ACSS3: variants seen among roughly 807,000 people sequenced by gnomAD.
ACSS3 encodes acyl-CoA synthetase short chain family member 3, also known as acyl-CoA synthetase short-chain family member 3, mitochondrial.
ACSS3 carries 64 observed loss-of-function variants against 84.2 expected under a neutral mutation model. That is an observed-to-expected ratio of 0.76 (90% CI 0.62 to 0.94). The LOEUF is 0.94. Among genes scored for constraint, ACSS3 ranks in the 40% least tolerant of loss-of-function variants. The pLI, the probability that ACSS3 is intolerant of heterozygous loss-of-function variation, is 0.00. For synonymous variants in ACSS3, 317 were observed against 310.1 expected, an observed-to-expected ratio of 1.02 and a Z score of -0.23; for missense variants, 815 against 867.6, an observed-to-expected ratio of 0.94 and a Z score of 0.76.
chr12:81,155,094 G>A (rs555315601), intron 7 of ACSS3, among the ~76,000 whole-genome samples: 11 of 152,230 alleles, frequency 7.2e-5, no homozygotes, highest in Admixed American at 3.9e-4. Context: ...GTATCATCTC[G>A]AAGAGGATAA....
intron 2 of ACSS3, among the ~76,000 whole-genome samples, chr12:81,112,900 A>C (rs1382671738): frequency 6.6e-6 from 1 of 152,182 alleles, no homozygotes; most frequent in African/African-American, 2.4e-5. Context: ...TGTCTTAGTA[A>C]CATGAAAGAT....
At chr12:81,152,129 G>C in intron 7 of ACSS3, 33 bp downstream of exon 7, 1 of 1,544,350 alleles carries the variant, frequency 6.5e-7, no homozygotes, top group Non-Finnish European at 8.9e-7. Context: ...ACATATAAAT[G>C]ATATTTATTT....
chr12:81,116,367 C>G (rs1026682958), intron 2 of ACSS3, among the ~76,000 whole-genome samples: 1 of 152,038 alleles, frequency 6.6e-6, no homozygotes, highest in African/African-American at 2.4e-5. Flanking sequence ...CATTTATTCA[C>G]AATTATAAGT....
At chr12:81,184,102 A>T (rs1413895027) in intron 8 of ACSS3, among the ~76,000 whole-genome samples, 1 of 152,032 alleles carries the variant, frequency 6.6e-6, no homozygotes, top group Non-Finnish European at 1.5e-5. Flanking sequence ...ATTTTAGACC[A>T]CAATGATATG....
intron 8 of ACSS3, among the ~76,000 whole-genome samples, chr12:81,177,847 C>G (rs1225429624): frequency 2.0e-5 from 3 of 152,134 alleles, no homozygotes; most frequent in African/African-American, 4.8e-5. Context: ...GAAATAGGAA[C>G]ACTTTTACAC....
intron 8 of ACSS3, among the ~76,000 whole-genome samples, chr12:81,177,175 C>T (rs747816870): frequency 4.6e-5 from 7 of 152,090 alleles, no homozygotes; most frequent in African/African-American, 1.7e-4. Flanking sequence ...AATAATAAGG[C>T]TCATCTATAA....
At position 81,254,395 on chromosome 12, in the gene ACSS3, TCTAA is replaced by T. The variant is rs1261256340; in HGVS notation, c.1996-459_1996-456del. Reference sequence around the variant, plus strand: ...TAGCGGCAGTAGATGTTTAAAATGCTCTAACTGATAAATGCTAATTTTGTAATTA... The same window carrying T: ...TAGCGGCAGTAGATGTTTAAAATGCTCTGATAAATGCTAATTTTGTAATTA... On this transcript the variant is annotated intron_variant, in intron 15 of 15. Transcript: ENST00000548058. 8.5e-5 allele frequency among the ~76,000 whole-genome samples: 13 copies of T among 152,322 alleles called. No homozygotes were observed. In the South Asian group the frequency reaches 1.9e-3, roughly 22 times the overall value.
chr12:81,078,022 C>G (rs1880723049), upstream of ACSS3: 7 of 1,332,716 alleles, frequency 5.3e-6, no homozygotes, highest in South Asian at 9.5e-5. Flanking sequence ...GGGCTCACTT[C>G]GGAATTTGCC....
chr12:81,234,116 C>T (rs2033553810), intron 13 of ACSS3, among the ~76,000 whole-genome samples: 1 of 151,392 alleles, frequency 6.6e-6, no homozygotes, highest in Non-Finnish European at 1.5e-5. Context: ...TTTTAGTCTT[C>T]TCTCCAATTT....
chr12:81,179,000 C>A (rs1260220544), intron 8 of ACSS3, among the ~76,000 whole-genome samples: 1 of 151,928 alleles, frequency 6.6e-6, no homozygotes, highest in Non-Finnish European at 1.5e-5. Flanking sequence ...TACAGATGTA[C>A]CACCATCTAA....
intron 4 of ACSS3, among the ~76,000 whole-genome samples, chr12:81,141,111 C>T (rs1018594431): frequency 2.0e-5 from 3 of 152,152 alleles, no homozygotes; most frequent in Non-Finnish European, 4.4e-5. Context: ...ACTATAAACA[C>T]ATTGGATATG....
At chr12:81,094,196 G>C (rs1479265353) in intron 1 of ACSS3, among the ~76,000 whole-genome samples, 2 of 151,250 alleles carry the variant, frequency 1.3e-5, no homozygotes, top group African/African-American at 2.4e-5. Flanking sequence ...GTGTGTGTGT[G>C]TGTGTGTGTG....
chr12:81,104,824 A>G (rs937777429), intron 1 of ACSS3: 4 of 152,096 alleles, frequency 2.6e-5, no homozygotes, highest in African/African-American at 9.7e-5. Context: ...GTCAGAGAAG[A>G]CCTGCTAAAA....
At chr12:81,091,171 A>C (rs1240657755) in intron 1 of ACSS3, among the ~76,000 whole-genome samples, 2 of 151,998 alleles carry the variant, frequency 1.3e-5, no homozygotes, top group African/African-American at 4.8e-5. Context: ...TGAACTGGAA[A>C]AGTTGCCTCT....
At chr12:81,226,369 C>A (rs913002890) in intron 11 of ACSS3, among the ~76,000 whole-genome samples, 9 of 151,548 alleles carry the variant, frequency 5.9e-5, no homozygotes, top group Non-Finnish European at 8.8e-5. Flanking sequence ...TGATATTTAG[C>A]CGTAGAACTA....
rs530723629 is a variant in ACSS3, at chr12:81,220,368, A to G, written c.1514+292A>G. 2.0e-5 allele frequency among the ~76,000 whole-genome samples: 3 copies of G among 152,072 alleles called. No individual in the cohort carries two copies. In the East Asian group the frequency reaches 5.8e-4, roughly 29 times the overall value. ...AAGTTAACTTACATACAAAAAAAAT[A>G]TGAATAAGTAAATAAAGTTCCTGTA... is the stretch of plus-strand genomic sequence containing the variant. On this transcript the variant is annotated intron_variant, in intron 11 of 15. Transcript: ENST00000548058.
intron 13 of ACSS3, among the ~76,000 whole-genome samples, chr12:81,234,776 T>C (rs146573467): frequency 2.8e-4 from 43 of 151,586 alleles, no homozygotes; most frequent in African/African-American, 1.0e-3. Context: ...GTTTTGTAAG[T>C]TCTTTATATA....
At chr12:81,109,274 A>G (rs1017288078) in intron 1 of ACSS3, among the ~76,000 whole-genome samples, 7 of 152,084 alleles carry the variant, frequency 4.6e-5, no homozygotes, top group Non-Finnish European at 8.8e-5. Context: ...GGTGCTCTAT[A>G]CCCTAGTTTT....
chr12:81,087,207 A>G (rs1160972300), intron 1 of ACSS3, among the ~76,000 whole-genome samples: 1 of 152,138 alleles, frequency 6.6e-6, no homozygotes, highest in African/African-American at 2.4e-5. Flanking sequence ...TTGCCTTAAG[A>G]GGGAGGAAAG....
Sources: allele counts gnomAD v4.1 joint callset (sites outside exome capture counted in the v4.1 genomes callset), GRCh38; gene constraint gnomAD v4.1.1; transcripts MANE v1.5; gene names NCBI Gene and HGNC (gene_info 2026-07-23, HGNC 2026-07-21).